Variants in GLDC observed in about 807,000 individuals in gnomAD.
GLDC encodes the protein glycine dehydrogenase (decarboxylating), mitochondrial.
GLDC carries 104 observed loss-of-function variants against 121.3 expected under a neutral mutation model. The observed-to-expected ratio is 0.86, with a 90% CI of 0.73 to 1.01. GLDC has a LOEUF of 1.01. Ranked by LOEUF, GLDC falls within the 50% of genes least tolerant of loss-of-function variation. The probability of loss-of-function intolerance (pLI) is 0.00; values close to 1 mark genes in which losing one functional copy is unlikely to be tolerated. For missense variants in GLDC, 1,429 were observed against 1,306.6 expected (o/e 1.09, Z -1.44); for synonymous variants, 546 against 480.6 (o/e 1.14, Z -1.78).
chr9:6,628,758 G>A (rs1244692908), intron 2 of GLDC, among the ~76,000 whole-genome samples: 2 of 152,180 alleles, frequency 1.3e-5, no homozygotes, highest in Non-Finnish European at 2.9e-5. Flanking sequence ...AGAAACACTT[G>A]GAGACAAGAT....
At chr9:6,626,955 C>G (rs1819255254) in intron 2 of GLDC, among the ~76,000 whole-genome samples, 1 of 152,196 alleles carries the variant, frequency 6.6e-6, no homozygotes, top group Admixed American at 6.5e-5. Context: ...TGCAGAGCAG[C>G]CACTGATGTC....
intron 2 of GLDC, among the ~76,000 whole-genome samples, chr9:6,641,977 G>A (rs1819638735): frequency 6.6e-6 from 1 of 152,112 alleles, no homozygotes; most frequent in African/African-American, 2.4e-5. Context: ...GAGCTTACAT[G>A]CACCAATTTG....
intron 2 of GLDC, among the ~76,000 whole-genome samples, chr9:6,634,084 C>G (rs1280048574): frequency 6.6e-6 from 1 of 151,940 alleles, no homozygotes; most frequent in African/African-American, 2.4e-5. Context: ...CCCGCCTCAG[C>G]CTCCCAAAGT....
chr9:6,639,186 G>T, intron 2 of GLDC: 2 of 831,688 alleles, frequency 2.4e-6, no homozygotes, highest in Admixed American at 3.5e-5. Flanking sequence ...TCCTAAAGCC[G>T]AAGCCAAAGA....
Position 6,556,246 on chromosome 9 carries a change from A to T in GLDC, c.2109T>A (p.Asn703Lys). ...CACTGATGTTCTCTTCAAACACCCC[A>T]TTGGTGGATGGGTATGTAATCATGA... is the stretch of plus-strand genomic sequence containing the variant. ...AAIMITYPST[N>K]GVFEENISDV... The change falls in exon 18 of 25, where the codon AAT becomes AAA. Residue 703 changes from asparagine (N) to lysine (K), a missense_variant. By Grantham distance (94) the Asn-to-Lys change is moderately conservative. Coordinates refer to ENST00000321612, the MANE Select transcript of GLDC (RefSeq NM_000170.3). 1 of 1,612,502 alleles carries T rather than the reference A, an allele frequency of 6.2e-7. No homozygotes were observed. Among genetic ancestry groups the T allele is most frequent in the Non-Finnish European group, 8.5e-7 (1 of 1,178,510 alleles).
intron 15 of GLDC, among the ~76,000 whole-genome samples, chr9:6,578,950 T>C (rs1456424531): frequency 6.6e-6 from 1 of 152,224 alleles, no homozygotes; most frequent in Non-Finnish European, 1.5e-5. Context: ...ATTTCTAGTT[T>C]CACTCCATGT....
At chr9:6,610,394 C>T (rs758319505) in intron 3 of GLDC, 38 bp from the exon 4 acceptor site, 3 of 1,606,588 alleles carry the variant, frequency 1.9e-6, no homozygotes, top group Non-Finnish European at 2.6e-6. Context: ...AAACTGACTG[C>T]TGTTTAGAGA....
intron 3 of GLDC, among the ~76,000 whole-genome samples, chr9:6,614,292 T>C (rs1818925059): frequency 6.6e-6 from 1 of 152,186 alleles, no homozygotes; most frequent in Admixed American, 6.5e-5. Flanking sequence ...TGGAGTGCAG[T>C]GGCCTGATCT....
intron 15 of GLDC, chr9:6,565,714 TTTG>T: frequency 3.4e-6 from 2 of 581,286 alleles, no homozygotes; most frequent in Non-Finnish European, 6.1e-6. Context: ...AAAATAGCCT[TTTG>T]TTATTATGAA....
chr9:6,574,716 G>A (rs1416540351), intron 15 of GLDC, among the ~76,000 whole-genome samples: 1 of 151,916 alleles, frequency 6.6e-6, no homozygotes, highest in Non-Finnish European at 1.5e-5. Flanking sequence ...TTTTTTCCTG[G>A]CATTCTGACT....
chr9:6,639,351 G>A, intron 2 of GLDC: 1 of 944,660 alleles, frequency 1.1e-6, no homozygotes, highest in Non-Finnish European at 1.7e-6. Context: ...GGAGAAACAA[G>A]CTTGACCACT....
rs566939288 is a variant in GLDC at position 6,605,177 on chromosome 9, T to C, written c.815A>G (p.Lys272Arg). The change falls in exon 6 of 25, where the codon AAG (lysine) becomes AGG (arginine). Residue 272 changes from lysine to arginine, a missense_variant. By Grantham distance (26) the Lys-to-Arg change is conservative. Coordinates refer to ENST00000321612, the MANE Select transcript of GLDC (RefSeq NM_000170.3). The part of the protein sequence containing the change: ...VLFQYPDTEG[K>R]VEDFTELVER... The stretch of plus-strand genomic sequence containing the variant: ...CACGAGTTCCGTAAAGTCTTCCACC[T>C]TCCCCTCCGTGTCTGGGTACTGGAA... 13 of 1,613,480 alleles carry C rather than the reference T, an allele frequency of 8.1e-6. No individual in the cohort carries two copies. The highest frequency in any genetic ancestry group is 1.1e-5 in the Non-Finnish European group (13 of 1,179,754).
In GLDC at chr9:6,620,334, AAG is replaced by A; in HGVS notation, c.335-17_335-16del. On this transcript the variant is annotated splice_polypyrimidine_tract_variant and intron_variant, in intron 2 of 24. Transcript: ENST00000321612. The stretch of plus-strand genomic sequence containing the variant: ...TTCATTTTCACCTAATTGTGGGAAA[AAG>A]AGAAATGTTACAGACAGATGTCTCA... The A allele has an allele frequency of 6.2e-7, 1 of 1,611,284 alleles. No homozygotes were observed. The highest frequency in any genetic ancestry group is 1.3e-5 in the African/African-American group (1 of 75,000).
intron 16 of GLDC, among the ~76,000 whole-genome samples, chr9:6,564,478 A>G (rs1306489078): frequency 1.3e-5 from 2 of 152,232 alleles, no homozygotes; most frequent in Non-Finnish European, 2.9e-5. Context: ...AGATCGGGCC[A>G]CTACCACTCC....
At chr9:6,609,877 G>T (rs899059075) in intron 4 of GLDC, among the ~76,000 whole-genome samples, 1 of 151,968 alleles carries the variant, frequency 6.6e-6, no homozygotes, top group South Asian at 2.1e-4. Flanking sequence ...ACCTGGCACC[G>T]GCTCCCTGTC....
chr9:6,645,145 C>T (rs1372703982), intron 1 of GLDC, 100 bp downstream of exon 1: 2 of 1,241,736 alleles, frequency 1.6e-6, no homozygotes, highest in African/African-American at 3.1e-5. Flanking sequence ...GGGGACCACG[C>T]GGAGCGCAGC....
rs1224420548 is a variant in GLDC at position 6,610,409 on chromosome 9, C to A, written c.471-53G>T. 3.5e-5 allele frequency: 55 copies of A among 1,570,700 alleles called. No homozygotes were observed. The Admixed American group carries it at 9.1e-4, about 26-fold the overall frequency. ...AAACTGACTGCTGTTTAGAGAAGCA[C>A]ACAAAATGCTATCATTTCAGAATTC... On this transcript the variant is annotated intron_variant, in intron 3 of 24. Coordinates refer to ENST00000321612, the MANE Select transcript of GLDC (RefSeq NM_000170.3).
At chr9:6,589,360 T>C (rs1818332328) in intron 11 of GLDC, 68 bp from the exon 12 acceptor site, 19 of 914,126 alleles carry the variant, frequency 2.1e-5, no homozygotes, top group East Asian at 2.4e-5. Context: ...CATCCAGGCT[T>C]CTGGGTGGCT....
At chr9:6,622,563 G>C (rs1238942681) in intron 2 of GLDC, among the ~76,000 whole-genome samples, 1 of 152,176 alleles carries the variant, frequency 6.6e-6, no homozygotes, top group East Asian at 1.9e-4. Flanking sequence ...GCCCAGGCTG[G>C]AGTGCAGTGG....
Sources: gnomAD v4.1 joint callset for allele counts (sites outside exome capture counted in the v4.1 genomes callset) on GRCh38, gnomAD v4.1.1 for gene constraint, MANE v1.5 for transcripts, NCBI Gene and HGNC (gene_info 2026-07-23, HGNC 2026-07-21) for gene names.